ANK2: variants seen among roughly 807,000 people sequenced by gnomAD.
ANK2 encodes the protein ankyrin-2.
Under a neutral mutation model 360.5 loss-of-function variants are expected in ANK2, and 83 were observed. The ratio of observed to expected loss-of-function variants is 0.23; its 90% CI spans 0.19 to 0.28. The LOEUF is 0.28. Ranked by LOEUF, ANK2 falls within the 10% of genes least tolerant of loss-of-function variation. ANK2 has a pLI of 1.00. For missense variants in ANK2, 4,201 were observed against 4,795.7 expected (o/e 0.88, Z 3.66); for synonymous variants, 1,740 against 1,759.5 (o/e 0.99, Z 0.28).
intron 1 of ANK2, chr4:113,160,271 T>G (rs1583397722): frequency 2.6e-6 from 1 of 378,130 alleles, no homozygotes; most frequent in South Asian, 2.0e-5. Flanking sequence ...CACTATGTTG[T>G]CAAGGCTGGT....
At chr4:113,250,540 T>C (rs1187712057) in intron 10 of ANK2, among the ~76,000 whole-genome samples, 2 of 152,224 alleles carry the variant, frequency 1.3e-5, no homozygotes, top group Non-Finnish European at 2.9e-5. Flanking sequence ...TTTTTCATTA[T>C]CAAATGTATT....
rs116115330 is a variant in ANK2, at chr4:112,845,919, C to T, written c.-40+27655C>T. 2.5e-3 allele frequency among the ~76,000 whole-genome samples: 379 copies of T among 152,226 alleles called. 2 individuals are homozygous for T. Among genetic ancestry groups the T allele is most frequent in the Non-Finnish European group, 4.6e-3 (315 of 68,026 alleles). On this transcript the variant is annotated intron_variant, in intron 1 of 30. Coordinates refer to the ANK2 transcript ENST00000503271. Reference sequence around the variant, plus strand: ...TATTTCTGGTGTTATGACTGATGGGCGTGCCCAACCAGATCCAGGACAGTA... The same window carrying T: ...TATTTCTGGTGTTATGACTGATGGGTGTGCCCAACCAGATCCAGGACAGTA...
At chr4:113,097,402 G>A (rs1157956864) in intron 1 of ANK2, among the ~76,000 whole-genome samples, 1 of 151,994 alleles carries the variant, frequency 6.6e-6, no homozygotes, top group African/African-American at 2.4e-5. Context: ...TACTCTGTAA[G>A]GTAGATTTGG....
At chr4:113,327,696 C>T (rs975278798) in intron 26 of ANK2, among the ~76,000 whole-genome samples, 1 of 152,186 alleles carries the variant, frequency 6.6e-6, no homozygotes, top group African/African-American at 2.4e-5. Flanking sequence ...TCTCAGTGAC[C>T]AGGAAAGTAA....
At chr4:113,108,785 G>A (rs1487196490) in intron 1 of ANK2, among the ~76,000 whole-genome samples, 1 of 151,998 alleles carries the variant, frequency 6.6e-6, no homozygotes, top group Non-Finnish European at 1.5e-5. Flanking sequence ...AAAGTTAGTT[G>A]GGTTAAATAT....
the ANK2 span, among the ~76,000 whole-genome samples, chr4:112,712,901 A>G: frequency 6.6e-6 from 1 of 152,142 alleles, no homozygotes; most frequent in African/African-American, 2.4e-5. Context: ...ATATAGTTTA[A>G]TGAGTACTGA....
At chr4:113,351,687 AAAAT>A (rs2095423414) in intron 37 of ANK2, among the ~76,000 whole-genome samples, 1 of 152,070 alleles carries the variant, frequency 6.6e-6, no homozygotes, top group African/African-American at 2.4e-5. Flanking sequence ...GTAAGAATTA[AAAAT>A]TAATTCATCC....
intron 24 of ANK2, 172 bp from the exon 25 acceptor site, chr4:113,317,535 T>A (rs1307325403): frequency 3.0e-6 from 2 of 665,788 alleles, no homozygotes; most frequent in African/African-American, 3.5e-5. Context: ...AAAGGATGTG[T>A]TAGTTCAGCT....
intron 1 of ANK2, among the ~76,000 whole-genome samples, chr4:113,057,652 TATCTC>T (rs1356784955): frequency 6.6e-6 from 1 of 152,170 alleles, no homozygotes; most frequent in East Asian, 1.9e-4. Context: ...ATTTGCCCCA[TATCTC>T]TGTTTATAGA....
chr4:113,334,244 G>T (rs1397375997), intron 29 of ANK2, among the ~76,000 whole-genome samples: 1 of 152,148 alleles, frequency 6.6e-6, no homozygotes. Flanking sequence ...GTGGATGGAG[G>T]AAGAAATTAT....
chr4:112,956,951 A>G (rs772717408), intron 2 of ANK2, among the ~76,000 whole-genome samples: 24 of 129,896 alleles, frequency 1.8e-4, no homozygotes, highest in Non-Finnish European at 3.6e-4. Flanking sequence ...TGATTTTTTT[A>G]TTGACGTTGT....
chr4:112,749,022 CCT>C, the ANK2 span, among the ~76,000 whole-genome samples: 2 of 152,198 alleles, frequency 1.3e-5, no homozygotes, highest in Admixed American at 1.3e-4. Context: ...GCCTCGGCCT[CCT>C]GAGTAGCTGG....
chr4:112,734,392 A>G, the ANK2 span, among the ~76,000 whole-genome samples: 1 of 152,198 alleles, frequency 6.6e-6, no homozygotes, highest in East Asian at 1.9e-4. Context: ...CCCTCTTTCT[A>G]GTTAAATTCA....
chr4:113,130,339 G>T (rs1254086526), intron 1 of ANK2, among the ~76,000 whole-genome samples: 1 of 151,604 alleles, frequency 6.6e-6, no homozygotes, highest in African/African-American at 2.4e-5. Context: ...TGTTTTCTTT[G>T]TCTTTAATAT....
intron 37 of ANK2, among the ~76,000 whole-genome samples, chr4:113,351,928 T>C (rs1418827808): frequency 6.6e-6 from 1 of 152,210 alleles, no homozygotes; most frequent in East Asian, 1.9e-4. Context: ...GAAGTCTTTT[T>C]ATCAGTACAT....
At chr4:113,065,446 A>G (rs958826300) in intron 1 of ANK2, among the ~76,000 whole-genome samples, 1 of 152,182 alleles carries the variant, frequency 6.6e-6, no homozygotes, top group Non-Finnish European at 1.5e-5. Context: ...TAGAGCATAA[A>G]CTTTTAGAGC....
intron 1 of ANK2, among the ~76,000 whole-genome samples, chr4:112,903,021 G>T (rs1393447836): frequency 6.6e-6 from 1 of 152,172 alleles, no homozygotes; most frequent in Non-Finnish European, 1.5e-5. Context: ...AAATATTAAT[G>T]GTTCACAAGA....
intron 5 of ANK2, among the ~76,000 whole-genome samples, chr4:113,236,666 A>C (rs2099386557): frequency 1.3e-5 from 2 of 152,210 alleles, no homozygotes. Context: ...CTTTACCTAC[A>C]GAGGCATTAT....
At chr4:112,758,744 A>C in the ANK2 span, among the ~76,000 whole-genome samples, 2 of 151,962 alleles carry the variant, frequency 1.3e-5, no homozygotes, top group African/African-American at 4.8e-5. Context: ...TCTTCTCAAA[A>C]CCCTTTGCCA....
Sources: allele counts gnomAD v4.1 joint callset (sites outside exome capture counted in the v4.1 genomes callset), GRCh38; gene constraint gnomAD v4.1.1; transcripts MANE v1.5; gene names NCBI Gene and HGNC (gene_info 2026-07-23, HGNC 2026-07-21).